Variants in CSMD1 observed in about 807,000 individuals in gnomAD.
CSMD1 encodes the protein CUB and Sushi multiple domains 1, also known as CUB and sushi domain-containing protein 1.
CSMD1 carries 213 observed loss-of-function variants against 417.5 expected under a neutral mutation model. The ratio of observed to expected loss-of-function variants is 0.51; its 90% CI spans 0.46 to 0.57. The LOEUF is 0.57. Ranked by LOEUF, CSMD1 falls within the 20% of genes least tolerant of loss-of-function variation. The pLI, the probability that CSMD1 is intolerant of heterozygous loss-of-function variation, is 0.00. For synonymous variants in CSMD1, 2,862 were observed against 1,736.8 expected (o/e 1.65, Z -16.11); for missense variants, 6,923 against 4,529.7 (o/e 1.53, Z -15.17).
Position 4,503,788 on chromosome 8 carries a change from G to A in CSMD1, c.303-83723C>T, listed in dbSNP as rs1282713571. Among the ~76,000 whole-genome samples, 3 of 152,072 alleles carry A rather than the reference G, an allele frequency of 2.0e-5. No homozygotes were observed. The East Asian group carries it at 5.8e-4, about 29-fold the overall frequency. ...TGTCTCGGGAACTATCAGGCACTGT[G>A]ACAATGTGAATTATTGTCATCACCT... On this transcript the variant is annotated intron_variant, in intron 2 of 69. Coordinates refer to ENST00000635120, the MANE Select transcript of CSMD1 (RefSeq NM_033225.6).
chr8:3,074,341 T>C (rs1353773344), intron 49 of CSMD1, among the ~76,000 whole-genome samples: 1 of 152,188 alleles, frequency 6.6e-6, no homozygotes, highest in Admixed American at 6.5e-5. Flanking sequence ...CTTCCTGAAG[T>C]GTGTCTGTGC....
At chr8:2,976,506 C>G (rs1264645562) in intron 55 of CSMD1, among the ~76,000 whole-genome samples, 2 of 152,096 alleles carry the variant, frequency 1.3e-5, no homozygotes, top group African/African-American at 4.8e-5. Context: ...CCACCATGCC[C>G]CACTAGTTTT....
chr8:3,251,000 C>G (rs942389431), intron 26 of CSMD1, among the ~76,000 whole-genome samples: 10 of 151,996 alleles, frequency 6.6e-5, no homozygotes, highest in African/African-American at 1.7e-4. Flanking sequence ...AAATTTTCTC[C>G]CATTTTGTAG....
At chr8:4,972,927 C>T (rs1810329671) in intron 1 of CSMD1, among the ~76,000 whole-genome samples, 1 of 152,052 alleles carries the variant, frequency 6.6e-6, no homozygotes. Context: ...CTTGAAAATA[C>T]TGTAAGTTAA....
chr8:3,267,578 C>G (rs1002872285), intron 26 of CSMD1, among the ~76,000 whole-genome samples: 19 of 152,120 alleles, frequency 1.2e-4, no homozygotes, highest in Admixed American at 6.6e-4. Flanking sequence ...ATGTAACACA[C>G]TGGTAAGAGA....
chr8:4,949,516 G>A (rs1204512937), intron 1 of CSMD1, among the ~76,000 whole-genome samples: 1 of 152,064 alleles, frequency 6.6e-6, no homozygotes, highest in East Asian at 1.9e-4. Context: ...GCCTCCCAGG[G>A]GATATGCTGC....
At chr8:4,698,142 T>G (rs1209589462) in intron 1 of CSMD1, among the ~76,000 whole-genome samples, 2 of 152,086 alleles carry the variant, frequency 1.3e-5, no homozygotes, top group African/African-American at 4.8e-5. Context: ...TGGGTTTTTT[T>G]TTTTTTTTTG....
chr8:3,020,854 T>G (rs1036646747), intron 51 of CSMD1, among the ~76,000 whole-genome samples: 5 of 152,240 alleles, frequency 3.3e-5, no homozygotes, highest in African/African-American at 1.2e-4. Context: ...ATTGCTAAAC[T>G]ATTACAGTGT....
At chr8:4,762,155 C>T (rs577646425) in intron 1 of CSMD1, among the ~76,000 whole-genome samples, 22 of 152,012 alleles carry the variant, frequency 1.4e-4, no homozygotes, top group Non-Finnish European at 2.2e-4. Context: ...AAGATGTCAC[C>T]ACCTAGCAAA....
intron 1 of CSMD1, among the ~76,000 whole-genome samples, chr8:4,701,319 T>TC (rs939197218): frequency 1.4e-5 from 2 of 143,692 alleles, no homozygotes; most frequent in African/African-American, 5.3e-5. Flanking sequence ...CTTTGATGCT[T>TC]TTTTTTTTTT....
chr8:4,491,529 AGTCT>A (rs1187929232), intron 2 of CSMD1, among the ~76,000 whole-genome samples: 3 of 151,990 alleles, frequency 2.0e-5, no homozygotes, highest in Non-Finnish European at 4.4e-5. Context: ...CACATTTCAT[AGTCT>A]GTCTCCTGGA....
intron 7 of CSMD1, among the ~76,000 whole-genome samples, chr8:3,650,597 A>T (rs889615902): frequency 6.6e-6 from 1 of 152,064 alleles, no homozygotes; most frequent in Admixed American, 6.6e-5. Context: ...AGTACATATG[A>T]TGCTTGCCAT....
At chr8:4,492,543 G>T (rs1318479080) in intron 2 of CSMD1, among the ~76,000 whole-genome samples, 4 of 152,110 alleles carry the variant, frequency 2.6e-5, no homozygotes, top group African/African-American at 7.2e-5. Flanking sequence ...CACATGATTT[G>T]CTCTAGTTTT....
chr8:4,468,909 A>C (rs570011602), intron 2 of CSMD1, among the ~76,000 whole-genome samples: 16 of 151,864 alleles, frequency 1.1e-4, no homozygotes, highest in African/African-American at 3.9e-4. Flanking sequence ...GCTAATAGGA[A>C]AGGAATGCTG....
chr8:4,954,738 G>A (rs369047038), intron 1 of CSMD1, among the ~76,000 whole-genome samples: 1 of 152,112 alleles, frequency 6.6e-6, no homozygotes, highest in East Asian at 1.9e-4. Context: ...AGAGACTGGA[G>A]GATAAGAGCA....
chr8:3,649,236 T>C (rs1349751883), intron 7 of CSMD1, among the ~76,000 whole-genome samples: 1 of 152,210 alleles, frequency 6.6e-6, no homozygotes, highest in Non-Finnish European at 1.5e-5. Flanking sequence ...GCTTTATATA[T>C]TCTTCTGTAA....
At chr8:4,471,157 T>G (rs1407342217) in intron 2 of CSMD1, among the ~76,000 whole-genome samples, 2 of 152,182 alleles carry the variant, frequency 1.3e-5, no homozygotes, top group Admixed American at 1.3e-4. Context: ...CATTATCACA[T>G]GCCAGGCCTT....
rs543064233 is a variant in CSMD1, at chr8:4,053,720, G to C, written c.416-21621C>G. On this transcript the variant is annotated intron_variant, in intron 3 of 69. Coordinates refer to ENST00000635120, the MANE Select transcript of CSMD1 (RefSeq NM_033225.6). ...CTCATCATGGCAGTAGGAGGAAAAT[G>C]CTCCAGAACTGGCTTCTTGAATTTC... is the stretch of plus-strand genomic sequence containing the variant. Among the ~76,000 whole-genome samples the C allele has an allele frequency of 9.2e-5, 14 of 152,192 alleles. No individual in the cohort carries two copies. The South Asian group carries it at 2.9e-3, about 32-fold the overall frequency.
intron 5 of CSMD1, among the ~76,000 whole-genome samples, chr8:3,901,076 A>T (rs555304719): frequency 6.6e-6 from 1 of 152,332 alleles, no homozygotes; most frequent in African/African-American, 2.4e-5. Context: ...TAAAGAAATA[A>T]TTTATAACCT....
Sources: gnomAD v4.1 joint callset for allele counts (sites outside exome capture counted in the v4.1 genomes callset) on GRCh38, gnomAD v4.1.1 for gene constraint, MANE v1.5 for transcripts, NCBI Gene and HGNC (gene_info 2026-07-23, HGNC 2026-07-21) for gene names.